The following ANKS6 variants were observed in gnomAD, a reference collection of about 807,000 sequenced individuals.
ANKS6 encodes ankyrin repeat and sterile alpha motif domain containing 6, also known as ankyrin repeat and SAM domain-containing protein 6.
In ANKS6, 47 loss-of-function variants were observed where a neutral mutation model predicts 77.9. The ratio of observed to expected loss-of-function variants is 0.60; its 90% CI spans 0.48 to 0.77. ANKS6 has a LOEUF of 0.77. ANKS6 is among the 30% of genes least tolerant of loss of function. The probability of loss-of-function intolerance (pLI) is 0.00; values close to 1 mark genes in which losing one functional copy is unlikely to be tolerated. For missense variants in ANKS6, 1,150 were observed against 1,159.1 expected, an observed-to-expected ratio of 0.99 and a Z score of 0.11; for synonymous variants, 488 against 501.7, an observed-to-expected ratio of 0.97 and a Z score of 0.37.
In ANKS6 at chr9:98,751,114, G is replaced by GAA; in HGVS notation, c.2327-20_2327-19dup. Reference sequence around the variant, plus strand: ...CAGTTCATCTTCAAGATGGAAAGGTGAAAAAAAAACAACACATTTTAGAAT... The same window carrying GAA: ...CAGTTCATCTTCAAGATGGAAAGGTGAAAAAAAAAAACAACACATTTTAGAAT... On this transcript the variant is annotated intron_variant, in intron 12 of 14. Transcript: ENST00000353234. The GAA allele has an allele frequency of 2.6e-6, 4 of 1,542,188 alleles. No individual in the cohort carries two copies. Among genetic ancestry groups the GAA allele is most frequent in the Admixed American group, 2.0e-5 (1 of 50,618 alleles).
Position 98,778,238 on chromosome 9 carries a change from T to C in ANKS6, c.1555A>G (p.Thr519Ala). 6.2e-7 allele frequency: 1 copy of C among 1,614,112 alleles called. No individual in the cohort carries two copies. Among genetic ancestry groups the C allele is most frequent in the South Asian group, 1.1e-5 (1 of 91,076 alleles). The change falls in exon 7 of 15, where the codon ACC (threonine) becomes GCC (alanine). Residue 519 changes from threonine (T) to alanine (A), a missense_variant. Transcript: ENST00000353234. The stretch of plus-strand genomic sequence containing the variant: ...AGACTTTTCTCACCATTGTCTTTGG[T>C]CACAGGGGCCGCATCAGGGAGTGCA... ...RSALPDAAPV[T>A]KDNGPGSTRG...
intron 12 of ANKS6, among the ~76,000 whole-genome samples, 169 bp from the exon 13 acceptor site, chr9:98,751,265 T>C (rs534122823): frequency 4.5e-4 from 68 of 152,220 alleles, no homozygotes; most frequent in African/African-American, 1.5e-3. Flanking sequence ...TGGAGGTGGG[T>C]CCTGAGCTAC....
chr9:98,749,968 G>A (rs1056756298), intron 13 of ANKS6, among the ~76,000 whole-genome samples: 2 of 152,182 alleles, frequency 1.3e-5, no homozygotes, highest in Non-Finnish European at 2.9e-5. Flanking sequence ...GCCTGTGGAG[G>A]AGTTTTACTT....
intron 13 of ANKS6, among the ~76,000 whole-genome samples, chr9:98,746,698 C>A (rs1177924783): frequency 6.6e-6 from 1 of 152,036 alleles, no homozygotes; most frequent in Non-Finnish European, 1.5e-5. Flanking sequence ...TGCCACATCA[C>A]CCTTCAGCCG....
At chr9:98,785,239 TA>T (rs1168436247) in intron 2 of ANKS6, among the ~76,000 whole-genome samples, 1 of 152,234 alleles carries the variant, frequency 6.6e-6, no homozygotes, top group Non-Finnish European at 1.5e-5. Flanking sequence ...GGACATTGTT[TA>T]AAAATTTTTT....
At position 98,796,115 on chromosome 9, in the gene ANKS6, C is replaced by A. The variant is rs555599949; in HGVS notation, c.359+18G>T. ...GGGCACCACTCTGGTCCCGGGCCCC[C>A]GGGCCCCGCCGCCTCACCTGGCCGC... On this transcript the variant is annotated intron_variant, in intron 1 of 14. Transcript: ENST00000353234. The A allele has an allele frequency of 7.0e-5, 93 of 1,336,034 alleles. 2 individuals are homozygous for A. The East Asian group carries it at 2.9e-3, about 42-fold the overall frequency. The allele number at this position is 1,336,034 out of a possible 1,614,324, so 82.8% of individuals were successfully genotyped here.
intron 14 of ANKS6, among the ~76,000 whole-genome samples, chr9:98,744,328 G>A (rs2131931134): frequency 6.6e-6 from 1 of 152,300 alleles, no homozygotes; most frequent in Middle Eastern, 3.4e-3. Context: ...GCTGAGAGGA[G>A]CCGCCTCTGC....
In ANKS6 at chr9:98,733,015, C is replaced by T. The variant is rs565854067; in HGVS notation, c.*3504G>A. ...CGTGCCCAGGCTGAGCCTGAGCCAT[C>T]ATCGATGACTTTCCCTGAGCTGTAT... On this transcript the variant is annotated 3_prime_UTR_variant, in exon 15 of 15. Transcript: ENST00000353234. 14 of 912,696 alleles carry T rather than the reference C, an allele frequency of 1.5e-5. No homozygotes were observed. In the East Asian group the frequency reaches 1.5e-3, roughly 95 times the overall value. 56.5% of individuals were successfully genotyped at this position (912,696 alleles called of 1,614,324 possible).
chr9:98,752,262 G>C (rs1832470781), intron 12 of ANKS6, among the ~76,000 whole-genome samples: 1 of 152,230 alleles, frequency 6.6e-6, no homozygotes, highest in Non-Finnish European at 1.5e-5. Flanking sequence ...AAATGAAGGA[G>C]TGAGCTATGC....
At position 98,778,281 on chromosome 9, in the gene ANKS6, C is replaced by T; in HGVS notation, c.1512G>A (p.Gln504=). 2 of 1,614,150 alleles carry T rather than the reference C, an allele frequency of 1.2e-6. No homozygotes were observed. The highest frequency in any genetic ancestry group is 1.6e-4 in the Middle Eastern group (1 of 6,062). The change falls in exon 7 of 15, where the codon CAG becomes CAA. Residue 504 remains glutamine (Q), a synonymous_variant. Transcript: ENST00000353234. ...GGAGTGCAGAGCGGCTTGTCTTGTCCTGGGGGGCAGCCCTCATTGTGGAGT... is the reference window on the plus strand; with the variant it reads ...GGAGTGCAGAGCGGCTTGTCTTGTCTTGGGGGGCAGCCCTCATTGTGGAGT... ...ALDSTMRAAP[Q]DKTSRSALPD...
chr9:98,741,094 C>T (rs1831803404), intron 14 of ANKS6, among the ~76,000 whole-genome samples: 4 of 152,172 alleles, frequency 2.6e-5, no homozygotes, highest in Admixed American at 6.5e-5. Context: ...AGGCCTTAGA[C>T]ACAAAGCTGT....
intron 11 of ANKS6, among the ~76,000 whole-genome samples, chr9:98,757,570 C>T (rs1832782818): frequency 6.6e-6 from 1 of 152,154 alleles, no homozygotes; most frequent in African/African-American, 2.4e-5. Context: ...TGATGGTAAC[C>T]TTCATCACTT....
intron 13 of ANKS6, among the ~76,000 whole-genome samples, chr9:98,749,847 G>A (rs1832334307): frequency 2.0e-5 from 3 of 152,148 alleles, no homozygotes; most frequent in African/African-American, 7.2e-5. Flanking sequence ...CTCAAGTCTG[G>A]TGGGGACAAT....
intron 5 of ANKS6, 41 bp downstream of exon 5, chr9:98,782,426 A>C (rs541529361): frequency 6.4e-7 from 1 of 1,566,218 alleles, no homozygotes; most frequent in African/African-American, 1.4e-5. Flanking sequence ...AGTCCAAGAA[A>C]CGCTGGGTAG....
At chr9:98,748,036 A>G (rs1467252908) in intron 13 of ANKS6, among the ~76,000 whole-genome samples, 1 of 152,218 alleles carries the variant, frequency 6.6e-6, no homozygotes, top group Non-Finnish European at 1.5e-5. Flanking sequence ...CTTAGCTCTC[A>G]GCCCAGGTCT....
rs995223834 is a variant in ANKS6 at position 98,782,407 on chromosome 9, T to C, written c.1219+60A>G. On this transcript the variant is annotated intron_variant, in intron 5 of 14. Transcript: ENST00000353234. ...ACAAGTCACAGAGGAGGTGCCTGTC[T>C]TGACTCCCAGTCCAAGAAACGCTGG... 5 of 1,487,904 alleles carry C rather than the reference T, an allele frequency of 3.4e-6. No homozygotes were observed. In the African/African-American group the frequency reaches 4.2e-5, roughly 12 times the overall value. The allele number at this position is 1,487,904 out of a possible 1,614,324, so 92.2% of individuals were successfully genotyped here. A position where few individuals can be genotyped will look rare whatever the true frequency, so the allele number is the denominator to read the frequency against.
At chr9:98,760,510 A>T (rs1832950806) in intron 11 of ANKS6, among the ~76,000 whole-genome samples, 1 of 152,232 alleles carries the variant, frequency 6.6e-6, no homozygotes, top group Non-Finnish European at 1.5e-5. Context: ...ACACAAAATG[A>T]CATCACTTTG....
intron 14 of ANKS6, among the ~76,000 whole-genome samples, chr9:98,738,968 ATTAT>A (rs939854727): frequency 6.6e-6 from 1 of 152,162 alleles, no homozygotes; most frequent in Non-Finnish European, 1.5e-5. Flanking sequence ...ATTGGAGACT[ATTAT>A]TCTAAGTGAA....
chr9:98,746,822 C>G lies in ANKS6; in HGVS notation c.2395-1147G>C, dbSNP rs1209667811. On this transcript the variant is annotated intron_variant, in intron 13 of 14. Transcript: ENST00000353234. ...TGGGTCCCCAGTCCGGGCCCTTCCC[C>G]CTGGGGAGCTGCTATTGCAGACAAT... is the stretch of plus-strand genomic sequence containing the variant. Among the ~76,000 whole-genome samples, 6 of 152,226 alleles carry G rather than the reference C, an allele frequency of 3.9e-5. No homozygotes were observed. In the East Asian group the frequency reaches 1.2e-3, roughly 29 times the overall value.
Sources: gnomAD v4.1 joint callset for allele counts (sites outside exome capture counted in the v4.1 genomes callset) on GRCh38, gnomAD v4.1.1 for gene constraint, MANE v1.5 for transcripts, NCBI Gene and HGNC (gene_info 2026-07-23, HGNC 2026-07-21) for gene names.